Variants in PCDH11X observed in about 807,000 individuals in gnomAD.
PCDH11X encodes protocadherin 11 X-linked.
Under a neutral mutation model 53.3 loss-of-function variants are expected in PCDH11X, and 18 were observed. The observed-to-expected ratio is 0.34, with a 90% confidence interval of 0.23 to 0.50. PCDH11X has a LOEUF of 0.50. Ranked by LOEUF, PCDH11X falls within the 20% of genes least tolerant of loss-of-function variation. The pLI is 0.98. For synonymous variants in PCDH11X, 279 were observed against 393.3 expected, an observed-to-expected ratio of 0.71 and a Z score of 3.44; for missense variants, 570 against 1,032.4, an observed-to-expected ratio of 0.55 and a Z score of 6.14.
Position 92,256,433 on chromosome X carries a change from G to A in PCDH11X, c.3115-6681G>A, listed in dbSNP as rs182384756. ...TCGCTCAGGCTGGGAGCTGTAGACC[G>A]GAGCTGTTCCTATTCGGCCATCTTG... is the stretch of plus-strand genomic sequence containing the variant. On this transcript the variant is annotated intron_variant, in intron 7 of 10. Transcript: ENST00000682573. 1.2e-3 allele frequency among the ~76,000 whole-genome samples: 133 copies of A among 111,674 alleles called. No individual in the cohort carries two copies. The South Asian group carries it at 0.013, about 11-fold the overall frequency.
chrX:92,476,070 G>A (rs1476443157), intron 10 of PCDH11X, among the ~76,000 whole-genome samples: 1 of 111,361 alleles, frequency 9.0e-6, no homozygotes. Flanking sequence ...ACTGAATCAT[G>A]GGGATGGGCT....
chrX:92,269,593 C>T (rs965351594), intron 8 of PCDH11X, among the ~76,000 whole-genome samples: 1 of 111,567 alleles, frequency 9.0e-6, no homozygotes, highest in Admixed American at 9.6e-5. Flanking sequence ...TTTCTGAGTT[C>T]CTTTCTAGCC....
At chrX:92,566,742 A>AT (rs1368187447) in intron 10 of PCDH11X, among the ~76,000 whole-genome samples, 4 of 112,149 alleles carry the variant, frequency 3.6e-5, no homozygotes, top group African/African-American at 1.3e-4. Context: ...GGCACTGAGC[A>AT]TTTAACTTTA....
intron 4 of PCDH11X, among the ~76,000 whole-genome samples, chrX:91,815,119 A>G (rs1485691216): frequency 2.7e-5 from 3 of 111,179 alleles, no homozygotes; most frequent in Non-Finnish European, 5.7e-5. Flanking sequence ...TCACACAGCT[A>G]GTGAGTGGTG....
At chrX:92,272,972 C>T (rs1239740033) in intron 8 of PCDH11X, among the ~76,000 whole-genome samples, 4 of 112,634 alleles carry the variant, frequency 3.6e-5, no homozygotes, top group Non-Finnish European at 7.5e-5. Flanking sequence ...CTGGCTTACT[C>T]ATTTAGGTGT....
At chrX:92,383,404 C>T (rs918605744) in intron 8 of PCDH11X, among the ~76,000 whole-genome samples, 2 of 108,813 alleles carry the variant, frequency 1.8e-5, no homozygotes, top group South Asian at 4.1e-4. Context: ...TATACACATG[C>T]CATGGTGGTT....
intron 8 of PCDH11X, among the ~76,000 whole-genome samples, chrX:92,318,356 T>C (rs1413512042): frequency 1.8e-5 from 2 of 111,895 alleles, no homozygotes; most frequent in Non-Finnish European, 3.8e-5. Context: ...AAGTCTTGCC[T>C]GTACAATCCA....
chrX:92,483,992 C>G (rs191152163), intron 10 of PCDH11X, among the ~76,000 whole-genome samples: 1 of 106,975 alleles, frequency 9.3e-6, no homozygotes, highest in African/African-American at 3.4e-5. Flanking sequence ...AAAGGATACT[C>G]GCACAGGCAT....
intron 10 of PCDH11X, among the ~76,000 whole-genome samples, chrX:92,493,329 T>C (rs2073799900): frequency 9.0e-6 from 1 of 111,285 alleles, no homozygotes; most frequent in African/African-American, 3.3e-5. Context: ...TAGTCAACAA[T>C]ACCATATTGG....
intron 10 of PCDH11X, among the ~76,000 whole-genome samples, chrX:92,498,547 A>G (rs900149672): frequency 3.6e-5 from 4 of 110,776 alleles, no homozygotes; most frequent in Non-Finnish European, 7.6e-5. Context: ...AAAAATCATG[A>G]CAAAAGAATG....
intron 6 of PCDH11X, among the ~76,000 whole-genome samples, chrX:91,953,766 C>A (rs1220022091): frequency 9.1e-6 from 1 of 109,333 alleles, no homozygotes; most frequent in Admixed American, 9.8e-5. Flanking sequence ...TGTTACTTTG[C>A]TGTTATTTAG....
chrX:92,197,436 T>C (rs1032105733), intron 6 of PCDH11X, among the ~76,000 whole-genome samples: 4 of 112,200 alleles, frequency 3.6e-5, no homozygotes, highest in African/African-American at 1.3e-4. Flanking sequence ...TCTATATATG[T>C]CCTGGGAAAA....
intron 10 of PCDH11X, among the ~76,000 whole-genome samples, chrX:92,503,207 A>C (rs1371607357): frequency 1.9e-5 from 2 of 104,402 alleles, no homozygotes; most frequent in African/African-American, 7.0e-5. Flanking sequence ...AATGGCTATT[A>C]CTAAAATGTC....
At chrX:92,148,125 TCTTTC>T (rs2065351510) in intron 6 of PCDH11X, among the ~76,000 whole-genome samples, 1 of 11,288 alleles carries the variant, frequency 8.9e-5, no homozygotes, top group Non-Finnish European at 1.4e-4. Flanking sequence ...TTTCTTTCTT[TCTTTC>T]TTTTTCCTTC....
intron 6 of PCDH11X, among the ~76,000 whole-genome samples, chrX:92,148,062 CTTTCTTTCTTTCTTTCTTT>C (rs1569389055): frequency 0.048 from 379 of 7,931 alleles, 21 homozygotes; most frequent in Non-Finnish European, 0.052. Flanking sequence ...TCCTTCCTTT[CTTTCTTTCTTTCTTTCTTT>C]CTTTCTTTCT....
intron 6 of PCDH11X, among the ~76,000 whole-genome samples, chrX:92,185,391 CA>C (rs2066073667): frequency 1.8e-5 from 2 of 111,254 alleles, no homozygotes; most frequent in Admixed American, 9.6e-5. Flanking sequence ...ATGTCGGACC[CA>C]AAACTATAAA....
intron 10 of PCDH11X, among the ~76,000 whole-genome samples, chrX:92,558,559 C>A (rs1244213855): frequency 1.8e-5 from 2 of 111,405 alleles, no homozygotes; most frequent in African/African-American, 3.3e-5. Flanking sequence ...CTACACTCAG[C>A]TTATGAGTGA....
rs775066700 is a variant in PCDH11X at position 92,423,946 on chromosome X, T to G, written c.3343+36013T>G. On this transcript the variant is annotated intron_variant, in intron 9 of 10. Transcript: ENST00000682573. ...TGCCTCCAGATTTGTACTTTTTGCT[T>G]AGACTTGCTTTGGCTATGCGGGCTC... Among the ~76,000 whole-genome samples, 137 of 96,915 alleles carry G rather than the reference T, an allele frequency of 1.4e-3. 3 individuals are homozygous for G. The highest frequency in any genetic ancestry group is 4.4e-3 in the African/African-American group (133 of 29,928). The allele number at this position is 96,915 out of a possible 115,157, so 84.2% of individuals were successfully genotyped here.
At chrX:92,336,724 C>T (rs1042004350) in intron 8 of PCDH11X, among the ~76,000 whole-genome samples, 1 of 111,527 alleles carries the variant, frequency 9.0e-6, no homozygotes, top group South Asian at 3.7e-4. Context: ...TTATGAGTCA[C>T]GCAATGCATG....
Sources: allele counts gnomAD v4.1 joint callset (sites outside exome capture counted in the v4.1 genomes callset), GRCh38; gene constraint gnomAD v4.1.1; transcripts MANE v1.5; gene names NCBI Gene and HGNC (gene_info 2026-07-23, HGNC 2026-07-21).